PSKH1: variants seen among roughly 807,000 people sequenced by gnomAD.
The protein encoded by PSKH1 is serine/threonine-protein kinase H1.
In PSKH1, 12 loss-of-function variants were observed where a neutral mutation model predicts 26.7. That is an observed-to-expected ratio of 0.45 (90% CI 0.29 to 0.73). The LOEUF is 0.73. PSKH1 is among the 30% of genes least tolerant of loss of function. The pLI is 0.11. For missense variants in PSKH1, 431 were observed against 595.2 expected (o/e 0.72, Z 2.87); for synonymous variants, 213 against 234.3 (o/e 0.91, Z 0.83).
chr16:67,911,680 C>G (rs2058173766), intron 2 of PSKH1, among the ~76,000 whole-genome samples: 1 of 152,038 alleles, frequency 6.6e-6, no homozygotes, highest in Non-Finnish European at 1.5e-5. Flanking sequence ...GAAACTCTGT[C>G]CCCCCCAAAA....
chr16:67,909,022 C>A lies in PSKH1; in HGVS notation c.273C>A (p.Asp91Glu). ...TAGCTAAGTACAGGGCCAAGTTTGACCCACGTGTTACAGCTAAGTATGACA... is the reference window on the plus strand; with the variant it reads ...TAGCTAAGTACAGGGCCAAGTTTGAACCACGTGTTACAGCTAAGTATGACA... ...ARVAKYRAKF[D>E]PRVTAKYDIK... Residue 91 changes from aspartate (D) to glutamate (E), a missense_variant, in exon 2 of 3, where the codon GAC becomes GAA. Coordinates refer to ENST00000291041, the MANE Select transcript of PSKH1 (RefSeq NM_006742.3). The surrounding 1 kb of genome is among the most constrained non-coding windows in gnomAD (Gnocchi z 7.8). 6.2e-7 allele frequency: 1 copy of A among 1,614,194 alleles called. No homozygotes were observed. The highest frequency in any genetic ancestry group is 8.5e-7 in the Non-Finnish European group (1 of 1,180,032).
intron 1 of PSKH1, among the ~76,000 whole-genome samples, chr16:67,898,886 G>A (rs1033996376): frequency 2.8e-4 from 42 of 152,150 alleles, no homozygotes; most frequent in Non-Finnish European, 5.4e-4. Context: ...CTCCCAAAGT[G>A]CTGGGATTAC....
chr16:67,912,139 C>T (rs2058175163), intron 2 of PSKH1, among the ~76,000 whole-genome samples: 1 of 152,188 alleles, frequency 6.6e-6, no homozygotes, highest in Non-Finnish European at 1.5e-5. Flanking sequence ...GTGGGTTCTG[C>T]AGAAAATCTG....
intron 1 of PSKH1, among the ~76,000 whole-genome samples, chr16:67,899,138 C>A (rs1455309137): frequency 6.6e-6 from 1 of 152,156 alleles, no homozygotes; most frequent in Non-Finnish European, 1.5e-5. Flanking sequence ...GGTTTGGCAG[C>A]TTGTGAACAA....
Position 67,909,683 on chromosome 16 carries a change from G to T in PSKH1, c.934G>T (p.Gly312Cys). 3.7e-6 allele frequency: 6 copies of T among 1,612,452 alleles called. No individual in the cohort carries two copies. Among genetic ancestry groups the T allele is most frequent in the Non-Finnish European group, 5.1e-6 (6 of 1,179,924 alleles). The change falls in exon 2 of 3, where the codon GGC becomes TGC. Residue 312 changes from glycine (G) to cysteine (C), a missense_variant. Gly to Cys is a radical substitution (Grantham distance 159). Transcript: ENST00000291041. The surrounding 1 kb of genome is among the most constrained non-coding windows in gnomAD (Gnocchi z 7.8). ...RTRLYRQILRGKYSYSGEPWP... is the reference protein window; with the variant it reads ...RTRLYRQILRCKYSYSGEPWP... Reference sequence around the variant, plus strand: ...CCGGCTGTACCGGCAGATCCTCAGGGGCAAGTACAGTTACTCTGGGGAGGT... The same window carrying T: ...CCGGCTGTACCGGCAGATCCTCAGGTGCAAGTACAGTTACTCTGGGGAGGT...
At position 67,928,997 on chromosome 16, in the gene PSKH1, C is replaced by A. The variant is rs1032134544; in HGVS notation, c.*1355C>A. On this transcript the variant is annotated 3_prime_UTR_variant, in exon 3 of 3. Transcript: ENST00000291041. The surrounding 1 kb of genome is among the most constrained non-coding windows in gnomAD (Gnocchi z 4.8). ...ACCTTCCAGTCTGGGTCCCACTGAG[C>A]CTCAAGCTGGAAGGAGCCCCTGCGG... The A allele has an allele frequency of 6.5e-6, 1 of 152,792 alleles. No individual in the cohort carries two copies. Among genetic ancestry groups the A allele is most frequent in the African/African-American group, 2.4e-5 (1 of 41,470 alleles). The allele number at this position is 152,792 out of a possible 1,614,324, so 9.5% of individuals were successfully genotyped here.
intron 1 of PSKH1, among the ~76,000 whole-genome samples, chr16:67,895,155 T>C (rs1330235009): frequency 1.3e-5 from 2 of 151,982 alleles, no homozygotes; most frequent in African/African-American, 4.8e-5. Flanking sequence ...ACTCCTGACC[T>C]CAGGTGATCC....
intron 2 of PSKH1, among the ~76,000 whole-genome samples, chr16:67,917,672 G>C (rs2058191331): frequency 6.6e-6 from 1 of 152,214 alleles, no homozygotes; most frequent in Non-Finnish European, 1.5e-5. Context: ...CCCTCAAGGG[G>C]CCAGACTCCA....
chr16:67,899,410 A>G (rs2058135809), intron 1 of PSKH1, among the ~76,000 whole-genome samples: 1 of 137,476 alleles, frequency 7.3e-6, no homozygotes, highest in Non-Finnish European at 1.5e-5. Flanking sequence ...ATCTCGGCTC[A>G]CTGCAAGCTC....
intron 2 of PSKH1, among the ~76,000 whole-genome samples, chr16:67,925,548 A>C (rs1033544587): frequency 3.3e-5 from 5 of 151,902 alleles, no homozygotes; most frequent in African/African-American, 1.2e-4. Context: ...CCTGTCGGGG[A>C]GGGCTGTTGC....
At position 67,921,821 on chromosome 16, in the gene PSKH1, G is replaced by C. The variant is rs911606392; in HGVS notation, c.958-5504G>C. ...CCTTCTCGATCTTGAGTTGTGTCCT[G>C]TCTCTCTCCTCTCCTTCCCCTCCAC... On this transcript the variant is annotated intron_variant, in intron 2 of 2. Coordinates refer to ENST00000291041, the MANE Select transcript of PSKH1 (RefSeq NM_006742.3). Among the ~76,000 whole-genome samples the C allele has an allele frequency of 4.6e-5, 7 of 152,192 alleles. No individual in the cohort carries two copies. The South Asian group carries it at 1.2e-3, about 27-fold the overall frequency.
In PSKH1 at chr16:67,929,319, T is replaced by C. The variant is rs999216717; in HGVS notation, c.*1677T>C. ...TGGGAAACAAAACTAAAGAGACCAC[T>C]CTGTGCCAAGTCGACTATGCCTTAG... On this transcript the variant is annotated 3_prime_UTR_variant, in exon 3 of 3. Transcript: ENST00000291041. The C allele has an allele frequency of 6.6e-6, 1 of 152,466 alleles. No individual in the cohort carries two copies. The highest frequency in any genetic ancestry group is 1.5e-5 in the Non-Finnish European group (1 of 68,232). The allele number at this position is 152,466 out of a possible 1,614,324, so 9.4% of individuals were successfully genotyped here. A position where few individuals can be genotyped will look rare whatever the true frequency, so the allele number is the denominator to read the frequency against.
intron 1 of PSKH1, among the ~76,000 whole-genome samples, chr16:67,905,385 C>T (rs1356213988): frequency 1.3e-5 from 2 of 152,142 alleles, no homozygotes; most frequent in African/African-American, 4.8e-5. Flanking sequence ...GTTTCTGAGC[C>T]TTTGCAGTGT....
chr16:67,897,286 T>G lies in PSKH1; in HGVS notation c.-71+3915T>G, dbSNP rs140228496. On this transcript the variant is annotated intron_variant, in intron 1 of 2. Coordinates refer to ENST00000291041, the MANE Select transcript of PSKH1 (RefSeq NM_006742.3). Reference sequence around the variant, plus strand: ...AGAGCTGGAGAGAGACTTATTTATTTGAACTCCCTTTCCTTCCAGGAATCT... The same window carrying G: ...AGAGCTGGAGAGAGACTTATTTATTGGAACTCCCTTTCCTTCCAGGAATCT... 9.2e-5 allele frequency among the ~76,000 whole-genome samples: 14 copies of G among 152,350 alleles called. No individual in the cohort carries two copies. The East Asian group carries it at 2.7e-3, about 29-fold the overall frequency.
chr16:67,921,061 C>T (rs915289739), intron 2 of PSKH1, among the ~76,000 whole-genome samples: 30 of 151,818 alleles, frequency 2.0e-4, no homozygotes, highest in Admixed American at 3.3e-4. Flanking sequence ...TGGGTGGCAT[C>T]TGAGATCAGG....
At chr16:67,916,363 G>C (rs991849279) in intron 2 of PSKH1, among the ~76,000 whole-genome samples, 1 of 152,158 alleles carries the variant, frequency 6.6e-6, no homozygotes, top group African/African-American at 2.4e-5. Flanking sequence ...GGTCTGGTGT[G>C]CCTATTTCCT....
At chr16:67,911,234 C>T (rs1490324819) in intron 2 of PSKH1, among the ~76,000 whole-genome samples, 1 of 152,232 alleles carries the variant, frequency 6.6e-6, no homozygotes, top group Non-Finnish European at 1.5e-5. Flanking sequence ...GTGTTTCCTT[C>T]AGATATGGAC....
chr16:67,909,166 G>A lies in PSKH1; in HGVS notation c.417G>A (p.Val139=). ...IETKYREGRE[V]CESELRVLRR... is the part of the protein sequence containing the mutation. ...CCAAGTACCGGGAGGGGCGGGAGGT[G>A]TGTGAGTCGGAGCTGCGTGTGCTGC... The change falls in exon 2 of 3, where the codon GTG becomes GTA. Residue 139 remains valine, a synonymous_variant. Coordinates refer to ENST00000291041, the MANE Select transcript of PSKH1 (RefSeq NM_006742.3). This position sits in a 1 kb window ranked among gnomAD's most constrained non-coding sequence, Gnocchi z 7.8. 1 of 1,614,194 alleles carries A rather than the reference G, an allele frequency of 6.2e-7. No homozygotes were observed. Among genetic ancestry groups the A allele is most frequent in the South Asian group, 1.1e-5 (1 of 91,084 alleles).
intron 1 of PSKH1, among the ~76,000 whole-genome samples, chr16:67,902,587 C>T (rs1488155540): frequency 1.3e-5 from 2 of 152,120 alleles, no homozygotes; most frequent in African/African-American, 2.4e-5. Flanking sequence ...TGAGCCACTG[C>T]GCCCAGCCAG....
Sources: allele counts gnomAD v4.1 joint callset (sites outside exome capture counted in the v4.1 genomes callset), GRCh38; gene constraint gnomAD v4.1.1; non-coding constraint Gnocchi (gnomAD v3.1); transcripts MANE v1.5; gene names NCBI Gene and HGNC (gene_info 2026-07-23, HGNC 2026-07-21).